NLGN1: variants seen among roughly 807,000 people sequenced by gnomAD.
NLGN1 encodes neuroligin 1, also known as neuroligin-1.
In NLGN1, 12 loss-of-function variants were observed where a neutral mutation model predicts 65.5. The observed-to-expected ratio is 0.18, with a 90% CI of 0.12 to 0.30. The LOEUF is 0.30. NLGN1 is among the 10% of genes least tolerant of loss of function. NLGN1 has a pLI of 1.00. For missense variants in NLGN1, 750 were observed against 1,007.1 expected (o/e 0.74, Z 3.46); for synonymous variants, 350 against 359.5 (o/e 0.97, Z 0.30).
In NLGN1 at chr3:173,670,948, A is replaced by G. The variant is rs1041270786; in HGVS notation, c.493+65857A>G. ...AATGTACTCAAATAAATTACCTAAA[A>G]AGTGCATAGGTAACAACTTTTAACC... On this transcript the variant is annotated intron_variant, in intron 3 of 6. Coordinates refer to ENST00000457714, the Ensembl canonical transcript of NLGN1. 3.3e-5 allele frequency among the ~76,000 whole-genome samples: 5 copies of G among 152,194 alleles called. No individual in the cohort carries two copies. In the South Asian group the frequency reaches 1.0e-3, roughly 31 times the overall value.
Position 173,586,209 on chromosome 3 carries a change from A to G in NLGN1, c.-320-18070A>G, listed in dbSNP as rs1250124001. Among the ~76,000 whole-genome samples the G allele has an allele frequency of 5.3e-5, 8 of 152,190 alleles. No individual in the cohort carries two copies. The East Asian group carries it at 1.5e-3, about 29-fold the overall frequency. On this transcript the variant is annotated intron_variant, in intron 2 of 6. Transcript: ENST00000457714. ...GCTTTGGAATAAAATGGAGATAGAT[A>G]AAAGATAAAACATACATTTTGTATG...
At chr3:173,496,582 G>T (rs928379253) in intron 2 of NLGN1, among the ~76,000 whole-genome samples, 4 of 151,722 alleles carry the variant, frequency 2.6e-5, no homozygotes, top group Non-Finnish European at 5.9e-5. Context: ...CTTCAATCAG[G>T]AGCACGTTCA....
chr3:173,539,640 A>ATACACATATAACATATATGTATATATG (rs1738189563), intron 2 of NLGN1, among the ~76,000 whole-genome samples: 1 of 111,812 alleles, frequency 8.9e-6, no homozygotes, highest in African/African-American at 4.7e-5. Context: ...ATACACATAT[A>ATACACATATAACATATATGTATATATG]TACATATATA....
At chr3:174,100,213 T>C (rs903927427) in intron 4 of NLGN1, among the ~76,000 whole-genome samples, 7 of 151,892 alleles carry the variant, frequency 4.6e-5, no homozygotes, top group Non-Finnish European at 7.4e-5. Flanking sequence ...CCAGAGGCTA[T>C]AGACAACTAA....
intron 4 of NLGN1, among the ~76,000 whole-genome samples, chr3:174,112,947 A>G (rs1452706773): frequency 2.6e-5 from 4 of 151,880 alleles, no homozygotes; most frequent in Admixed American, 6.6e-5. Context: ...CTTTATGGCT[A>G]AACAGAAATA....
intron 3 of NLGN1, among the ~76,000 whole-genome samples, chr3:173,751,366 G>A (rs73050443): frequency 0.051 from 7,704 of 150,510 alleles, 610 homozygotes; most frequent in African/African-American, 0.18. Context: ...ATATATAGCC[G>A]TAACTTGTTG....
chr3:173,893,448 G>A lies in NLGN1; in HGVS notation c.646+85616G>A, dbSNP rs533198952. 5.9e-5 allele frequency among the ~76,000 whole-genome samples: 9 copies of A among 152,088 alleles called. No individual in the cohort carries two copies. In the South Asian group the frequency reaches 1.7e-3, roughly 28 times the overall value. On this transcript the variant is annotated intron_variant, in intron 4 of 6. Transcript: ENST00000457714. ...TACCTTTCTCATAGCACTATTGTACGGGCCATATGATATAATCCAAGTAAA... is the reference window on the plus strand; with the variant it reads ...TACCTTTCTCATAGCACTATTGTACAGGCCATATGATATAATCCAAGTAAA...
rs532091570 is a variant in NLGN1, at chr3:173,650,659, A to T, written c.493+45568A>T. ...CATTTGGAACTTATTGTGGTGAGTA[A>T]TGTTAGGTTGTGAAATAAGTATTCA... On this transcript the variant is annotated intron_variant, in intron 3 of 6. Coordinates refer to ENST00000457714, the Ensembl canonical transcript of NLGN1. 2.6e-4 allele frequency among the ~76,000 whole-genome samples: 40 copies of T among 152,250 alleles called. No homozygotes were observed. The Middle Eastern group carries it at 0.01, about 39-fold the overall frequency.
chr3:173,907,576 C>G (rs2152208687), intron 4 of NLGN1, among the ~76,000 whole-genome samples: 1 of 144,806 alleles, frequency 6.9e-6, no homozygotes, highest in African/African-American at 2.6e-5. Context: ...CTTTATCTCT[C>G]TCTCTCTTTT....
chr3:173,685,337 C>A (rs1398182424), intron 3 of NLGN1, among the ~76,000 whole-genome samples: 1 of 151,982 alleles, frequency 6.6e-6, no homozygotes, highest in Non-Finnish European at 1.5e-5. Flanking sequence ...AGACATATTC[C>A]CAGGTTTTAT....
intron 4 of NLGN1, among the ~76,000 whole-genome samples, chr3:173,844,299 G>GA (rs1725339109): frequency 6.6e-6 from 1 of 152,126 alleles, no homozygotes; most frequent in African/African-American, 2.4e-5. Flanking sequence ...CAAGAAGTTT[G>GA]GTAGTAGAGT....
chr3:173,900,936 G>A (rs1377228098), intron 4 of NLGN1, among the ~76,000 whole-genome samples: 4 of 151,994 alleles, frequency 2.6e-5, no homozygotes, highest in African/African-American at 9.7e-5. Flanking sequence ...GGTCACAAAA[G>A]TGATAACTAA....
At chr3:174,225,981 G>A (rs1000743958) in intron 4 of NLGN1, among the ~76,000 whole-genome samples, 1 of 152,026 alleles carries the variant, frequency 6.6e-6, no homozygotes, top group African/African-American at 2.4e-5. Context: ...AATTTTATTA[G>A]GAGTTGTGTG....
intron 4 of NLGN1, among the ~76,000 whole-genome samples, chr3:174,027,765 G>A (rs1332819956): frequency 1.3e-5 from 2 of 152,090 alleles, no homozygotes; most frequent in African/African-American, 2.4e-5. Context: ...ATGAGGGAAT[G>A]TGGTCCTATA....
At chr3:173,911,865 C>G (rs756406495) in intron 4 of NLGN1, among the ~76,000 whole-genome samples, 6 of 152,084 alleles carry the variant, frequency 3.9e-5, no homozygotes, top group Non-Finnish European at 7.4e-5. Context: ...ACACAAAGAC[C>G]CCTTATTTAT....
intron 4 of NLGN1, among the ~76,000 whole-genome samples, chr3:173,981,383 T>A (rs1304335856): frequency 3.3e-5 from 5 of 152,196 alleles, no homozygotes; most frequent in Non-Finnish European, 7.4e-5. Context: ...CACAGAATGG[T>A]AAAATGTTTA....
At chr3:174,163,178 C>T (rs1255281188) in intron 4 of NLGN1, among the ~76,000 whole-genome samples, 2 of 151,844 alleles carry the variant, frequency 1.3e-5, no homozygotes, top group East Asian at 1.9e-4. Context: ...TAGGTAGAAT[C>T]GAAAATATTC....
At chr3:173,652,126 T>A (rs1759292452) in intron 3 of NLGN1, among the ~76,000 whole-genome samples, 2 of 152,254 alleles carry the variant, frequency 1.3e-5, no homozygotes, top group Middle Eastern at 6.8e-3. Context: ...GTTATTTGGT[T>A]GTTATTGTTG....
chr3:174,211,892 G>A (rs1449689020), intron 4 of NLGN1, among the ~76,000 whole-genome samples: 1 of 151,770 alleles, frequency 6.6e-6, no homozygotes, highest in Non-Finnish European at 1.5e-5. Context: ...CCAGACTCAG[G>A]AGCCCAGCTG....
Sources: gnomAD v4.1 joint callset for allele counts (sites outside exome capture counted in the v4.1 genomes callset) on GRCh38, gnomAD v4.1.1 for gene constraint, MANE v1.5 for transcripts, NCBI Gene and HGNC (gene_info 2026-07-23, HGNC 2026-07-21) for gene names.